RBFOX1: variants seen among roughly 807,000 people sequenced by gnomAD.
RBFOX1 encodes RNA binding protein fox-1 homolog 1.
In RBFOX1, 8 loss-of-function variants were observed where a neutral mutation model predicts 57.7. The ratio of observed to expected loss-of-function variants is 0.14; its 90% CI spans 0.08 to 0.25. RBFOX1 has a LOEUF of 0.25. Ranked by LOEUF, RBFOX1 falls within the 10% of genes least tolerant of loss-of-function variation. The probability of loss-of-function intolerance (pLI) is 1.00; values close to 1 mark genes in which losing one functional copy is unlikely to be tolerated. For synonymous variants in RBFOX1, 326 were observed against 222.4 expected, an observed-to-expected ratio of 1.47 and a Z score of -4.15; for missense variants, 611 against 548.5, an observed-to-expected ratio of 1.11 and a Z score of -1.14.
In RBFOX1 at chr16:6,019,173, G is replaced by C. The variant is rs1338340292; in HGVS notation, c.-946G>C. 2 of 984,980 alleles carry C rather than the reference G, an allele frequency of 2.0e-6. No individual in the cohort carries two copies. Among genetic ancestry groups the C allele is most frequent in the South Asian group, 9.4e-5 (2 of 21,248 alleles). 61.0% of individuals were successfully genotyped at this position (984,980 alleles called of 1,614,324 possible). ...TATTTTCTAATCTATATTTTTACTGGAAGATTTCCTCTTTATTCTCTCCCG... is the reference window on the plus strand; with the variant it reads ...TATTTTCTAATCTATATTTTTACTGCAAGATTTCCTCTTTATTCTCTCCCG... On this transcript the variant is annotated 5_prime_UTR_variant, in exon 1 of 16. Coordinates refer to ENST00000550418, the MANE Select transcript of RBFOX1 (RefSeq NM_018723.4). The surrounding 1 kb of genome is among the most constrained non-coding windows in gnomAD (Gnocchi z 4.2).
intron 4 of RBFOX1, among the ~76,000 whole-genome samples, chr16:5,912,402 C>G (rs2058621863): frequency 1.3e-5 from 2 of 152,270 alleles, no homozygotes; most frequent in South Asian, 4.2e-4. Flanking sequence ...TTGCACTAAT[C>G]AGAGATTAGG....
intron 3 of RBFOX1, among the ~76,000 whole-genome samples, chr16:5,769,544 T>G (rs4260061): frequency 6.6e-6 from 1 of 151,248 alleles, no homozygotes; most frequent in Non-Finnish European, 1.5e-5. Context: ...TCCCATCTAC[T>G]TGGGAGGCTG....
chr16:6,535,335 C>A (rs1031741435), intron 2 of RBFOX1, among the ~76,000 whole-genome samples: 1 of 152,178 alleles, frequency 6.6e-6, no homozygotes, highest in Non-Finnish European at 1.5e-5. Flanking sequence ...TACTTTGAAG[C>A]TCCTCTGGGT....
intron 3 of RBFOX1, among the ~76,000 whole-genome samples, chr16:6,701,933 G>A (rs948330101): frequency 2.0e-5 from 3 of 152,048 alleles, no homozygotes; most frequent in Admixed American, 1.3e-4. Context: ...AACAGACACC[G>A]GGGCCTGCTT....
At chr16:5,332,104 T>G (rs991699131) in intron 1 of RBFOX1, among the ~76,000 whole-genome samples, 4 of 152,212 alleles carry the variant, frequency 2.6e-5, no homozygotes, top group Admixed American at 1.3e-4. Flanking sequence ...TTCCTTCTTA[T>G]GTCTTAGACT....
chr16:6,117,156 A>T (rs940373301), intron 1 of RBFOX1, among the ~76,000 whole-genome samples: 2 of 152,174 alleles, frequency 1.3e-5, no homozygotes, highest in East Asian at 3.9e-4. Context: ...GGTAAGCCAG[A>T]CCCAAATGAA....
chr16:6,925,867 G>C (rs2075480875), intron 3 of RBFOX1, among the ~76,000 whole-genome samples: 1 of 151,956 alleles, frequency 6.6e-6, no homozygotes, highest in Non-Finnish European at 1.5e-5. Context: ...AAAAAAATCT[G>C]TAATTACATT....
chr16:7,017,508 C>T (rs116843707), intron 3 of RBFOX1, among the ~76,000 whole-genome samples: 2,488 of 152,268 alleles, frequency 0.016, 23 homozygotes, highest in Non-Finnish European at 0.027. Context: ...ACTGCTAACT[C>T]AGGAGTCTGC....
At chr16:5,890,927 G>T (rs925596555) in intron 4 of RBFOX1, among the ~76,000 whole-genome samples, 5 of 152,086 alleles carry the variant, frequency 3.3e-5, no homozygotes, top group Admixed American at 6.6e-5. Flanking sequence ...TGGATACATG[G>T]CTCCTTCAGT....
At chr16:7,547,137 C>G (rs1409298240) in intron 5 of RBFOX1, among the ~76,000 whole-genome samples, 1 of 152,256 alleles carries the variant, frequency 6.6e-6, no homozygotes, top group East Asian at 1.9e-4. Context: ...ACAGCACTGG[C>G]TAACGCACAG....
At chr16:7,440,145 C>G (rs2098755256) in intron 4 of RBFOX1, among the ~76,000 whole-genome samples, 1 of 151,928 alleles carries the variant, frequency 6.6e-6, no homozygotes, top group Admixed American at 6.6e-5. Flanking sequence ...ACCTGCCTGC[C>G]TCAGCCTCCC....
At chr16:5,904,682 G>T (rs1441380927) in intron 4 of RBFOX1, among the ~76,000 whole-genome samples, 1 of 152,060 alleles carries the variant, frequency 6.6e-6, no homozygotes, top group African/African-American at 2.4e-5. Context: ...GCATCTTGAA[G>T]AGATAATCAG....
intron 4 of RBFOX1, among the ~76,000 whole-genome samples, chr16:5,968,160 C>A (rs759311194): frequency 6.6e-6 from 1 of 152,140 alleles, no homozygotes; most frequent in Non-Finnish European, 1.5e-5. Flanking sequence ...CTGCAACCTC[C>A]ACCTCCTGGG....
chr16:7,075,651 G>T (rs1312862466), intron 4 of RBFOX1, among the ~76,000 whole-genome samples: 1 of 152,054 alleles, frequency 6.6e-6, no homozygotes, highest in Non-Finnish European at 1.5e-5. Context: ...TGCGATCTTG[G>T]CTCACTGCAA....
At chr16:6,971,945 G>C (rs916588672) in intron 3 of RBFOX1, among the ~76,000 whole-genome samples, 1 of 152,138 alleles carries the variant, frequency 6.6e-6, no homozygotes, top group East Asian at 1.9e-4. Flanking sequence ...TGAGATGCGG[G>C]AGAATGTGAA....
At chr16:5,868,664 T>C (rs1299347638) in intron 4 of RBFOX1, among the ~76,000 whole-genome samples, 1 of 152,146 alleles carries the variant, frequency 6.6e-6, no homozygotes, top group East Asian at 1.9e-4. Flanking sequence ...TTCAGATGCC[T>C]AGTGAGGCAG....
At chr16:6,685,788 AC>A (rs1479124121) in intron 3 of RBFOX1, among the ~76,000 whole-genome samples, 1 of 152,148 alleles carries the variant, frequency 6.6e-6, no homozygotes, top group Non-Finnish European at 1.5e-5. Context: ...TGAAATTTTA[AC>A]AAACAGCCTT....
intron 2 of RBFOX1, among the ~76,000 whole-genome samples, chr16:5,478,164 A>T (rs2069397152): frequency 1.3e-5 from 2 of 152,176 alleles, no homozygotes; most frequent in South Asian, 4.1e-4. Flanking sequence ...CTTGGGGCTC[A>T]GCTTGGCGGA....
chr16:5,929,109 A>G (rs1052993981), intron 4 of RBFOX1, among the ~76,000 whole-genome samples: 5 of 152,182 alleles, frequency 3.3e-5, no homozygotes, highest in African/African-American at 1.2e-4. Context: ...GTGATTGAAA[A>G]TGAAAATTTT....
Sources: allele counts gnomAD v4.1 joint callset (sites outside exome capture counted in the v4.1 genomes callset), GRCh38; gene constraint gnomAD v4.1.1; non-coding constraint Gnocchi (gnomAD v3.1); transcripts MANE v1.5; gene names NCBI Gene and HGNC (gene_info 2026-07-23, HGNC 2026-07-21).